The following KIAA0319L variants were observed in gnomAD, a reference collection of about 807,000 sequenced individuals.
The protein encoded by KIAA0319L is dyslexia-associated protein KIAA0319-like protein.
Under a neutral mutation model 120.1 loss-of-function variants are expected in KIAA0319L, and 55 were observed. The observed-to-expected ratio is 0.46, with a 90% CI of 0.37 to 0.57. The LOEUF is 0.57. Ranked by LOEUF, KIAA0319L falls within the 20% of genes least tolerant of loss-of-function variation. KIAA0319L has a pLI of 0.00. For missense variants in KIAA0319L, 1,049 were observed against 1,255.3 expected (o/e 0.84, Z 2.48); for synonymous variants, 398 against 471.9 (o/e 0.84, Z 2.03).
chr1:35,529,873 C>A (rs189905508), intron 2 of KIAA0319L, among the ~76,000 whole-genome samples: 1 of 152,044 alleles, frequency 6.6e-6, no homozygotes, highest in Non-Finnish European at 1.5e-5. Flanking sequence ...AAGTTTAAAG[C>A]TATTATTTTG....
chr1:35,539,720 G>A (rs1421083167), intron 2 of KIAA0319L, among the ~76,000 whole-genome samples: 1 of 152,146 alleles, frequency 6.6e-6, no homozygotes, highest in Non-Finnish European at 1.5e-5. Context: ...TTCATTCACT[G>A]TAGCCACCCC....
At chr1:35,474,088 T>C (rs1643804145) in intron 5 of KIAA0319L, among the ~76,000 whole-genome samples, 1 of 152,212 alleles carries the variant, frequency 6.6e-6, no homozygotes, top group African/African-American at 2.4e-5. Flanking sequence ...GCTTAGCTTT[T>C]TTTTCCCCCA....
At chr1:35,491,251 A>G (rs374498997) in intron 3 of KIAA0319L, among the ~76,000 whole-genome samples, 7 of 152,228 alleles carry the variant, frequency 4.6e-5, no homozygotes, top group African/African-American at 1.7e-4. Flanking sequence ...AATAAATTCA[A>G]TTGGTCCCAA....
At chr1:35,507,190 T>C (rs573665087) in intron 2 of KIAA0319L, 55 bp from the exon 3 acceptor site, 2 of 1,482,854 alleles carry the variant, frequency 1.3e-6, no homozygotes, top group African/African-American at 2.8e-5. Flanking sequence ...AGACTACTGC[T>C]CCATAAAGAG....
intron 20 of KIAA0319L, chr1:35,439,047 A>C (rs1037999766): frequency 6.6e-6 from 1 of 152,206 alleles, no homozygotes; most frequent in East Asian, 1.9e-4. Context: ...CCCACCATTC[A>C]TCCCCTTAAA....
chr1:35,539,584 G>C (rs560884861), intron 2 of KIAA0319L, among the ~76,000 whole-genome samples: 1 of 152,310 alleles, frequency 6.6e-6, no homozygotes, highest in East Asian at 1.9e-4. Flanking sequence ...TCAGCATATG[G>C]GGCTGCTTGC....
At chr1:35,523,980 C>T (rs1465931355) in intron 2 of KIAA0319L, among the ~76,000 whole-genome samples, 2 of 151,980 alleles carry the variant, frequency 1.3e-5, no homozygotes, top group African/African-American at 2.4e-5. Flanking sequence ...ATGAGACTGA[C>T]AAATCATAAT....
chr1:35,470,419 G>A (rs549969849), intron 6 of KIAA0319L, among the ~76,000 whole-genome samples: 12 of 151,178 alleles, frequency 7.9e-5, no homozygotes, highest in Non-Finnish European at 1.3e-4. Context: ...CTTGAGCCTG[G>A]GAAGTCAAGA....
At chr1:35,555,984 C>T (rs938302968) in intron 1 of KIAA0319L, among the ~76,000 whole-genome samples, 7 of 152,212 alleles carry the variant, frequency 4.6e-5, no homozygotes, top group Non-Finnish European at 1.0e-4. Context: ...CCTCTGAAAC[C>T]TATAATTGCC....
intron 3 of KIAA0319L, among the ~76,000 whole-genome samples, chr1:35,502,849 T>C (rs970075452): frequency 7.2e-5 from 11 of 152,176 alleles, no homozygotes; most frequent in Non-Finnish European, 1.5e-4. Context: ...TCGATTTCCA[T>C]ACCTCATTTT....
chr1:35,473,450 T>C (rs1213183120), intron 5 of KIAA0319L, among the ~76,000 whole-genome samples: 4 of 152,130 alleles, frequency 2.6e-5, no homozygotes, highest in Non-Finnish European at 5.9e-5. Context: ...TACAAAATGA[T>C]AGTAACCCAC....
In KIAA0319L at chr1:35,456,047, C is replaced by G. The variant is rs1642425409; in HGVS notation, c.1622G>C (p.Ser541Thr). Residue 541 changes from serine to threonine, a missense_variant, in exon 10 of 21, where the codon AGC becomes ACC. Ser to Thr is a moderately conservative substitution (Grantham distance 58, BLOSUM62 1). Coordinates refer to ENST00000325722, the MANE Select transcript of KIAA0319L (RefSeq NM_024874.5). ...HGITSYEWSL[S>T]PSSKGKVVEM... ...CACCACTTTCCCTTTGCTGCTTGGG[C>G]TGAGTGACCACTCATAGCTGGTGAT... 6.2e-7 allele frequency: 1 copy of G among 1,613,842 alleles called. No homozygotes were observed.
intron 4 of KIAA0319L, among the ~76,000 whole-genome samples, chr1:35,477,507 A>G (rs1318162338): frequency 6.6e-6 from 1 of 152,010 alleles, no homozygotes; most frequent in Non-Finnish European, 1.5e-5. Flanking sequence ...CTCTACTAAA[A>G]ATACAAAAAA....
chr1:35,506,604 A>G lies in KIAA0319L; in HGVS notation c.666+8T>C. The stretch of plus-strand genomic sequence containing the variant: ...CATTTCTCTGCTCCTTATTCATAGC[A>G]TGCTTACCTCTGCAGAGCCACTGGT... On this transcript the variant is annotated splice_region_variant and intron_variant, in intron 3 of 20. Transcript: ENST00000325722. This position sits in a 1 kb window ranked among gnomAD's most constrained non-coding sequence, Gnocchi z 4.0. 1.2e-6 allele frequency: 2 copies of G among 1,606,154 alleles called. No individual in the cohort carries two copies. Among genetic ancestry groups the G allele is most frequent in the Non-Finnish European group, 1.7e-6 (2 of 1,175,816 alleles).
At chr1:35,480,037 T>C (rs1188736422) in intron 3 of KIAA0319L, among the ~76,000 whole-genome samples, 1 of 151,616 alleles carries the variant, frequency 6.6e-6, no homozygotes. Flanking sequence ...AGAATGATTT[T>C]TTTATTATTA....
At chr1:35,497,091 C>A (rs1458649709) in intron 3 of KIAA0319L, among the ~76,000 whole-genome samples, 1 of 150,622 alleles carries the variant, frequency 6.6e-6, no homozygotes, top group Non-Finnish European at 1.5e-5. Flanking sequence ...CTAGAAAATG[C>A]AAATTTATAG....
intron 3 of KIAA0319L, among the ~76,000 whole-genome samples, chr1:35,480,799 C>T (rs957155830): frequency 2.0e-5 from 3 of 151,770 alleles, no homozygotes; most frequent in Non-Finnish European, 4.4e-5. Flanking sequence ...AAAAAAAAAT[C>T]AAATTGGTTG....
chr1:35,451,234 GCC>G (rs1236490659), intron 13 of KIAA0319L, among the ~76,000 whole-genome samples: 2 of 152,214 alleles, frequency 1.3e-5, no homozygotes, highest in East Asian at 3.9e-4. Flanking sequence ...TCATTCTCAA[GCC>G]TGACAGCAGG....
chr1:35,461,529 T>C (rs1642890375), intron 8 of KIAA0319L, among the ~76,000 whole-genome samples: 3 of 152,168 alleles, frequency 2.0e-5, no homozygotes, highest in Non-Finnish European at 2.9e-5. Flanking sequence ...GCACATATAA[T>C]GTGCTTTCAT....
Sources: allele counts gnomAD v4.1 joint callset (sites outside exome capture counted in the v4.1 genomes callset), GRCh38; gene constraint gnomAD v4.1.1; non-coding constraint Gnocchi (gnomAD v3.1); transcripts MANE v1.5; gene names NCBI Gene and HGNC (gene_info 2026-07-23, HGNC 2026-07-21).